Variants in TULP4 observed in about 807,000 individuals in gnomAD.
TULP4 encodes the protein tubby-related protein 4.
A neutral mutation model predicts 129.0 loss-of-function variants in TULP4; 16 were observed. The observed-to-expected ratio is 0.12, with a 90% CI of 0.08 to 0.19. The LOEUF is 0.19. Ranked by LOEUF, TULP4 falls within the 10% of genes least tolerant of loss-of-function variation. The pLI is 1.00. For missense variants in TULP4, 1,842 were observed against 2,059.1 expected (o/e 0.89, Z 2.04); for synonymous variants, 998 against 854.0 (o/e 1.17, Z -2.94).
At chr6:158,428,902 G>A (rs76029199) in intron 2 of TULP4, among the ~76,000 whole-genome samples, 1 of 152,170 alleles carries the variant, frequency 6.6e-6, no homozygotes, top group African/African-American at 2.4e-5. Context: ...GTTGACTTGA[G>A]GCTTAATGAA....
rs1388337078 is a variant in TULP4 at position 158,493,493 on chromosome 6, A to G, written c.1632-80A>G. 7.4e-7 allele frequency: 1 copy of G among 1,359,880 alleles called. No homozygotes were observed. Among genetic ancestry groups the G allele is most frequent in the Non-Finnish European group, 9.5e-7 (1 of 1,049,486 alleles). 84.2% of individuals were successfully genotyped at this position (1,359,880 alleles called of 1,614,324 possible). On this transcript the variant is annotated intron_variant, in intron 9 of 13. Coordinates refer to ENST00000367097, the MANE Select transcript of TULP4 (RefSeq NM_020245.5). The surrounding 1 kb of genome is among the most constrained non-coding windows in gnomAD (Gnocchi z 4.4). ...AACACCCAGGCTGGCTGTCCAGAAA[A>G]AGAAAGGACTGCTGGAGTCAGGGCC...
intron 2 of TULP4, among the ~76,000 whole-genome samples, chr6:158,426,943 G>T (rs1268109170): frequency 6.6e-6 from 1 of 152,050 alleles, no homozygotes; most frequent in African/African-American, 2.4e-5. Context: ...CACCTCACTG[G>T]TTATCTGTAT....
At chr6:158,336,109 A>G (rs1328019398) in intron 1 of TULP4, among the ~76,000 whole-genome samples, 3 of 152,248 alleles carry the variant, frequency 2.0e-5, no homozygotes, top group Admixed American at 2.0e-4. Flanking sequence ...TATATTACCA[A>G]GCTTTTACAT....
chr6:158,390,563 A>G (rs1399935536), intron 1 of TULP4, among the ~76,000 whole-genome samples: 5 of 152,234 alleles, frequency 3.3e-5, no homozygotes, highest in East Asian at 1.9e-4. Flanking sequence ...CGTGGTCCAT[A>G]CAAGAGTCTC....
chr6:158,283,132 C>A (rs1207332283), intron 1 of TULP4, among the ~76,000 whole-genome samples: 1 of 133,924 alleles, frequency 7.5e-6, no homozygotes, highest in Non-Finnish European at 1.6e-5. Context: ...GAGCAAGACT[C>A]CGTCTCAAAA....
At chr6:158,237,666 C>A in intron 1 of TULP4, 1 of 1,226,142 alleles carries the variant, frequency 8.2e-7, no homozygotes, top group Middle Eastern at 1.9e-4. Flanking sequence ...AATTCTTAGG[C>A]AATTTTCCCT....
intron 1 of TULP4, among the ~76,000 whole-genome samples, chr6:158,248,515 C>T (rs1006863884): frequency 1.3e-5 from 2 of 152,122 alleles, no homozygotes; most frequent in Non-Finnish European, 1.5e-5. Flanking sequence ...CTGATCTGCC[C>T]ACCTCGGCCT....
chr6:158,370,357 C>T (rs1300216907), intron 1 of TULP4, among the ~76,000 whole-genome samples: 5 of 147,934 alleles, frequency 3.4e-5, no homozygotes, highest in African/African-American at 5.0e-5. Context: ...CTCAGGAGGC[C>T]GAGGCAGGAG....
At chr6:158,473,277 CT>C (rs1467688715) in intron 6 of TULP4, among the ~76,000 whole-genome samples, 2 of 152,178 alleles carry the variant, frequency 1.3e-5, no homozygotes, top group African/African-American at 2.4e-5. Context: ...GAAGTTGCCC[CT>C]GTTGTGCTTT....
At chr6:158,408,956 A>C (rs938164446) in intron 1 of TULP4, among the ~76,000 whole-genome samples, 7 of 152,236 alleles carry the variant, frequency 4.6e-5, no homozygotes, top group African/African-American at 1.7e-4. Flanking sequence ...GTGTGTATTT[A>C]GTGTTCATTC....
intron 6 of TULP4, among the ~76,000 whole-genome samples, chr6:158,473,702 G>A (rs988119015): frequency 1.3e-5 from 2 of 151,656 alleles, no homozygotes; most frequent in Non-Finnish European, 2.9e-5. Context: ...TGTATTTTTA[G>A]TAGAGACAGC....
At chr6:158,296,046 A>G (rs1234359191) in intron 1 of TULP4, among the ~76,000 whole-genome samples, 1 of 152,196 alleles carries the variant, frequency 6.6e-6, no homozygotes, top group East Asian at 1.9e-4. Flanking sequence ...TTCTCTATTA[A>G]CTGATAAAAT....
chr6:158,477,614 A>G (rs1048158279), intron 6 of TULP4, among the ~76,000 whole-genome samples: 2 of 152,356 alleles, frequency 1.3e-5, no homozygotes, highest in South Asian at 4.1e-4. Flanking sequence ...TCAAAGAATA[A>G]TAGATGTCGG....
intron 1 of TULP4, among the ~76,000 whole-genome samples, chr6:158,264,394 C>A (rs1026121423): frequency 3.3e-5 from 5 of 152,152 alleles, no homozygotes; most frequent in African/African-American, 1.2e-4. Flanking sequence ...ATCTTCATAC[C>A]AAAATCTACT....
intron 6 of TULP4, among the ~76,000 whole-genome samples, chr6:158,475,753 A>T (rs1041506999): frequency 6.6e-6 from 1 of 152,228 alleles, no homozygotes; most frequent in African/African-American, 2.4e-5. Flanking sequence ...CAAAATCAGG[A>T]CTAGCGTTAG....
At chr6:158,327,408 C>T (rs1201281125) in intron 1 of TULP4, among the ~76,000 whole-genome samples, 2 of 152,164 alleles carry the variant, frequency 1.3e-5, no homozygotes, top group East Asian at 3.8e-4. Flanking sequence ...CACCTGCATC[C>T]TGGATTTTCT....
At position 158,507,036 on chromosome 6, in the gene TULP4, A is replaced by G. The variant is rs978361231; in HGVS notation, c.*342A>G. On this transcript the variant is annotated 3_prime_UTR_variant, in exon 14 of 14. Transcript: ENST00000367097. ...AAGACAGTCTGCCTTAGAGCCTGCT[A>G]TTCTTTTAGACATAGGGAGGATGCA... 3.9e-6 allele frequency: 1 copy of G among 259,660 alleles called. No homozygotes were observed. The highest frequency in any genetic ancestry group is 7.4e-6 in the Non-Finnish European group (1 of 134,876). 16.1% of individuals were successfully genotyped at this position (259,660 alleles called of 1,614,324 possible).
At chr6:158,459,405 G>A (rs1033447836) in intron 5 of TULP4, among the ~76,000 whole-genome samples, 1 of 151,138 alleles carries the variant, frequency 6.6e-6, no homozygotes. Context: ...ACTCCAGCCT[G>A]GGCAACAAGA....
chr6:158,429,937 C>A, intron 3 of TULP4, 40 bp downstream of exon 3: 2 of 1,592,686 alleles, frequency 1.3e-6, no homozygotes, highest in South Asian at 1.1e-5. Flanking sequence ...GACGTTAAAA[C>A]CATGAGGGCT....
Sources: gnomAD v4.1 joint callset for allele counts (sites outside exome capture counted in the v4.1 genomes callset) on GRCh38, gnomAD v4.1.1 for gene constraint, Gnocchi (gnomAD v3.1) non-coding constraint, MANE v1.5 for transcripts, NCBI Gene and HGNC (gene_info 2026-07-23, HGNC 2026-07-21) for gene names.